The following CADM2 variants were observed in gnomAD, a reference collection of about 807,000 sequenced individuals.
The protein encoded by CADM2 is cell adhesion molecule 2, also known as immunoglobulin superfamily member 4D.
A neutral mutation model predicts 49.8 loss-of-function variants in CADM2; 12 were observed. That is an observed-to-expected ratio of 0.24 (90% CI 0.15 to 0.39). The LOEUF (loss-of-function observed/expected upper bound fraction) is 0.39, where lower values mean the gene tolerates loss of function less well. Among genes scored for constraint, CADM2 ranks in the 10% least tolerant of loss-of-function variants. The probability of loss-of-function intolerance (pLI) is 1.00; values close to 1 mark genes in which losing one functional copy is unlikely to be tolerated. For missense variants in CADM2, 378 were observed against 492.3 expected (o/e 0.77, Z 2.20); for synonymous variants, 214 against 175.4 (o/e 1.22, Z -1.74).
intron 3 of CADM2, among the ~76,000 whole-genome samples, chr3:85,826,008 G>A (rs2073889456): frequency 6.6e-6 from 1 of 151,952 alleles, no homozygotes; most frequent in Non-Finnish European, 1.5e-5. Context: ...TAATTGTTAT[G>A]TTTTACAATT....
intron 7 of CADM2, among the ~76,000 whole-genome samples, chr3:85,956,981 T>A (rs1007714491): frequency 6.6e-6 from 1 of 151,680 alleles, no homozygotes; most frequent in African/African-American, 2.4e-5. Flanking sequence ...CTTTGAGTAG[T>A]ATTATAAAGA....
At chr3:85,741,653 C>T (rs1485397620) in intron 2 of CADM2, among the ~76,000 whole-genome samples, 1 of 152,038 alleles carries the variant, frequency 6.6e-6, no homozygotes, top group Non-Finnish European at 1.5e-5. Context: ...GGGCGACAGG[C>T]AAGACTCTGT....
At chr3:85,061,606 A>G (rs959694941) in intron 1 of CADM2, among the ~76,000 whole-genome samples, 17 of 152,250 alleles carry the variant, frequency 1.1e-4, no homozygotes, top group African/African-American at 4.1e-4. Flanking sequence ...AACCAATTAC[A>G]GTTGACAGTC....
intron 8 of CADM2, among the ~76,000 whole-genome samples, chr3:86,049,435 C>G (rs371913598): frequency 1.3e-5 from 2 of 151,640 alleles, no homozygotes; most frequent in African/African-American, 4.8e-5. Flanking sequence ...CCACCACGCC[C>G]GGCTAATTTT....
intron 1 of CADM2, among the ~76,000 whole-genome samples, chr3:85,164,084 T>C (rs1056091151): frequency 6.6e-6 from 1 of 151,956 alleles, no homozygotes; most frequent in Admixed American, 6.6e-5. Flanking sequence ...AGTAACTACA[T>C]GTATTATCTT....
At chr3:85,550,424 G>A (rs1448100898) in intron 1 of CADM2, among the ~76,000 whole-genome samples, 2 of 152,102 alleles carry the variant, frequency 1.3e-5, no homozygotes, top group Admixed American at 6.5e-5. Context: ...CAATACCTGG[G>A]CTGCTACAAT....
chr3:85,503,883 TGC>T, intron 1 of CADM2, among the ~76,000 whole-genome samples: 1 of 152,320 alleles, frequency 6.6e-6, no homozygotes, highest in Non-Finnish European at 1.5e-5. Flanking sequence ...TCTCTTAGAG[TGC>T]ACTGTGTTAA....
At chr3:85,386,113 C>T (rs1206378135) in intron 1 of CADM2, among the ~76,000 whole-genome samples, 1 of 152,084 alleles carries the variant, frequency 6.6e-6, no homozygotes, top group African/African-American at 2.4e-5. Context: ...GCATCCTTGC[C>T]ATCGTACTCA....
chr3:85,823,564 A>G (rs1224444360), intron 3 of CADM2, among the ~76,000 whole-genome samples: 1 of 152,148 alleles, frequency 6.6e-6, no homozygotes, highest in Non-Finnish European at 1.5e-5. Flanking sequence ...TTTGAGGAGC[A>G]CTGTTATGTG....
At chr3:85,336,754 T>C (rs1373704027) in intron 1 of CADM2, among the ~76,000 whole-genome samples, 2 of 150,148 alleles carry the variant, frequency 1.3e-5, no homozygotes, top group East Asian at 3.9e-4. Context: ...AATAAAAATT[T>C]CGTATATGAA....
At chr3:85,212,814 CTTT>C (rs1559723544) in intron 1 of CADM2, among the ~76,000 whole-genome samples, 5 of 40,732 alleles carry the variant, frequency 1.2e-4, no homozygotes, top group South Asian at 9.3e-4. Context: ...TTTTTCTTCT[CTTT>C]CTTTCTTTCT....
At chr3:85,182,633 A>T (rs1225662838) in intron 1 of CADM2, among the ~76,000 whole-genome samples, 1 of 152,136 alleles carries the variant, frequency 6.6e-6, no homozygotes, top group Non-Finnish European at 1.5e-5. Context: ...TTTGATAAAC[A>T]TACTATCATT....
intron 1 of CADM2, among the ~76,000 whole-genome samples, chr3:85,543,192 C>A (rs1900918): frequency 0.51 from 77,057 of 150,878 alleles, 22,755 homozygotes; most frequent in East Asian, 0.85. Flanking sequence ...CAACAGGTAC[C>A]TTGCCTCCTA....
chr3:86,062,371 G>T (rs2107406211), intron 8 of CADM2, among the ~76,000 whole-genome samples: 1 of 152,196 alleles, frequency 6.6e-6, no homozygotes, highest in South Asian at 2.1e-4. Flanking sequence ...GGAAATACAA[G>T]AAATAGATAT....
chr3:85,654,701 G>T (rs2065145261), intron 1 of CADM2, among the ~76,000 whole-genome samples: 1 of 152,084 alleles, frequency 6.6e-6, no homozygotes, highest in African/African-American at 2.4e-5. Context: ...GCCTCTAATT[G>T]TTCTTTTTCC....
At chr3:86,015,697 G>A (rs989024193) in intron 8 of CADM2, among the ~76,000 whole-genome samples, 2 of 152,160 alleles carry the variant, frequency 1.3e-5, no homozygotes, top group Non-Finnish European at 2.9e-5. Flanking sequence ...AGAGCCTGGC[G>A]TTGTTCTACA....
chr3:85,606,986 T>C (rs1422057559), intron 1 of CADM2, among the ~76,000 whole-genome samples: 2 of 152,124 alleles, frequency 1.3e-5, no homozygotes, highest in Non-Finnish European at 2.9e-5. Context: ...TAGAAGAAGA[T>C]ACCATTATTG....
chr3:85,637,632 A>AAAATAAAT (rs1398969721), intron 1 of CADM2, among the ~76,000 whole-genome samples: 8 of 145,772 alleles, frequency 5.5e-5, no homozygotes, highest in African/African-American at 1.8e-4. Context: ...AAAATAAAAT[A>AAAATAAAT]AAATAAATAA....
intron 8 of CADM2, among the ~76,000 whole-genome samples, chr3:86,057,861 A>G (rs1333800996): frequency 6.6e-6 from 1 of 152,184 alleles, no homozygotes; most frequent in Non-Finnish European, 1.5e-5. Context: ...GACTATGTGG[A>G]AAAATAAAAT....
Sources: allele counts gnomAD v4.1 joint callset (sites outside exome capture counted in the v4.1 genomes callset), GRCh38; gene constraint gnomAD v4.1.1; transcripts MANE v1.5; gene names NCBI Gene and HGNC (gene_info 2026-07-23, HGNC 2026-07-21).